The following CLVS1 variants were observed in gnomAD, a reference collection of about 807,000 sequenced individuals.
The protein encoded by CLVS1 is clavesin-1.
A neutral mutation model predicts 33.1 loss-of-function variants in CLVS1; 10 were observed. That is an observed-to-expected ratio of 0.30 (90% CI 0.19 to 0.51). CLVS1 has a LOEUF of 0.51. Ranked by LOEUF, CLVS1 falls within the 20% of genes least tolerant of loss-of-function variation. The pLI is 0.97. For synonymous variants in CLVS1, 163 were observed against 166.1 expected, an observed-to-expected ratio of 0.98 and a Z score of 0.14; for missense variants, 343 against 433.4, an observed-to-expected ratio of 0.79 and a Z score of 1.85.
rs142122532 is a variant in CLVS1, at chr8:61,137,923, C to T, written c.-152+6063C>T. ...CTTCTGGGATCTCCTCTCATGGATG[C>T]GTTCTCTCCTGCCTCCATTCATTCA... On this transcript the variant is annotated intron_variant, in intron 2 of 2. Coordinates refer to the CLVS1 transcript ENST00000522621. Among the ~76,000 whole-genome samples the T allele has an allele frequency of 4.1e-4, 63 of 152,248 alleles. No individual in the cohort carries two copies. In the East Asian group the frequency reaches 6.6e-3, roughly 16 times the overall value.
At chr8:61,074,467 T>TA (rs1563392982) in intron 1 of CLVS1, among the ~76,000 whole-genome samples, 1 of 132,516 alleles carries the variant, frequency 7.5e-6, no homozygotes, top group Non-Finnish European at 1.6e-5. Flanking sequence ...TATATATATG[T>TA]TATATATATA....
the CLVS1 span, among the ~76,000 whole-genome samples, chr8:60,982,986 A>C: frequency 1.3e-5 from 2 of 152,162 alleles, no homozygotes; most frequent in African/African-American, 4.8e-5. Context: ...TGCTCTGCCT[A>C]CCCCATCCCC....
At chr8:61,207,868 A>G (rs1241719064) in intron 2 of CLVS1, among the ~76,000 whole-genome samples, 1 of 152,190 alleles carries the variant, frequency 6.6e-6, no homozygotes, top group East Asian at 1.9e-4. Context: ...AAAATCACTC[A>G]GGCTTCTCAG....
Position 61,392,099 on chromosome 8 carries a change from G to A in CLVS1, c.630+15320G>A, listed in dbSNP as rs116516971. Among the ~76,000 whole-genome samples, 886 of 152,224 alleles carry A rather than the reference G, an allele frequency of 5.8e-3. 11 individuals are homozygous for A. Among genetic ancestry groups the A allele is most frequent in the African/African-American group, 0.02 (831 of 41,544 alleles). On this transcript the variant is annotated intron_variant, in intron 3 of 5. Coordinates refer to ENST00000325897, the MANE Select transcript of CLVS1 (RefSeq NM_173519.3). Reference sequence around the variant, plus strand: ...ATAGGGAAAATAATCAACTTTGAGCGTAAATCTAATATTCAGTATTTGAGA... The same window carrying A: ...ATAGGGAAAATAATCAACTTTGAGCATAAATCTAATATTCAGTATTTGAGA...
chr8:61,154,905 C>A (rs949092653), intron 2 of CLVS1, among the ~76,000 whole-genome samples: 4 of 152,152 alleles, frequency 2.6e-5, no homozygotes, highest in Admixed American at 2.6e-4. Context: ...ACAGAGAAAG[C>A]ATGAGCTGTC....
rs28437527 is a variant in CLVS1, at chr8:61,389,981, G to A, written c.630+13202G>A. On this transcript the variant is annotated intron_variant, in intron 3 of 5. Coordinates refer to ENST00000325897, the MANE Select transcript of CLVS1 (RefSeq NM_173519.3). ...ATGACCAAGAAAGAGCCCTTTGAAG[G>A]TTTGCCTTTTAGATTTCCCAAAATG... 8.2e-3 allele frequency among the ~76,000 whole-genome samples: 1,249 copies of A among 152,208 alleles called. 29 individuals carry two copies. The highest frequency in any genetic ancestry group is 0.028 in the African/African-American group (1,159 of 41,500).
chr8:60,987,683 G>A, the CLVS1 span, among the ~76,000 whole-genome samples: 2 of 152,140 alleles, frequency 1.3e-5, no homozygotes, highest in Non-Finnish European at 2.9e-5. Context: ...CTGATATCAG[G>A]CACTGAGCAC....
intron 3 of CLVS1, among the ~76,000 whole-genome samples, chr8:61,412,044 T>G (rs1176225229): frequency 6.6e-6 from 1 of 151,862 alleles, no homozygotes; most frequent in African/African-American, 2.4e-5. Context: ...GGCTGGCCAG[T>G]GGATGGAGGC....
intron 3 of CLVS1, among the ~76,000 whole-genome samples, chr8:61,442,980 A>G (rs1816621219): frequency 6.6e-6 from 1 of 152,158 alleles, no homozygotes; most frequent in Non-Finnish European, 1.5e-5. Context: ...CCTTTCACTA[A>G]TGGTTAATGA....
intron 2 of CLVS1, among the ~76,000 whole-genome samples, chr8:61,226,980 GTT>G (rs55718731): frequency 0.19 from 25,629 of 132,284 alleles, 1,663 homozygotes; most frequent in Admixed American, 0.25. Flanking sequence ...ACGAAAACAT[GTT>G]TTTTTTTTTT....
intron 3 of CLVS1, among the ~76,000 whole-genome samples, chr8:61,453,582 AGTT>A (rs1459290129): frequency 6.6e-6 from 1 of 152,130 alleles, no homozygotes; most frequent in Non-Finnish European, 1.5e-5. Context: ...TGTGTGAAAA[AGTT>A]GTTATAACCT....
chr8:61,379,732 G>A (rs1311189096), intron 3 of CLVS1, among the ~76,000 whole-genome samples: 2 of 152,180 alleles, frequency 1.3e-5, no homozygotes, highest in Non-Finnish European at 2.9e-5. Context: ...GTCCACACCT[G>A]TTGGGGAAGC....
chr8:61,211,463 T>C (rs1206303338), intron 2 of CLVS1, among the ~76,000 whole-genome samples: 1 of 151,498 alleles, frequency 6.6e-6, no homozygotes, highest in Non-Finnish European at 1.5e-5. Flanking sequence ...CCTCTCCTTT[T>C]CCTCTGCCTC....
intron 5 of CLVS1, among the ~76,000 whole-genome samples, chr8:61,471,856 G>A (rs973468632): frequency 2.0e-5 from 3 of 152,172 alleles, no homozygotes; most frequent in African/African-American, 7.2e-5. Context: ...GTGGTCTTGA[G>A]TGTAATTTTT....
At chr8:61,475,425 C>G (rs915679201) in intron 5 of CLVS1, among the ~76,000 whole-genome samples, 24 of 152,258 alleles carry the variant, frequency 1.6e-4, no homozygotes, top group Admixed American at 1.1e-3. Context: ...GTGTAAAAGT[C>G]TTCCTATTTC....
chr8:61,103,332 A>G (rs2129286845), intron 1 of CLVS1, among the ~76,000 whole-genome samples: 1 of 152,338 alleles, frequency 6.6e-6, no homozygotes, highest in South Asian at 2.1e-4. Context: ...GCCAAGGACC[A>G]AAAGTAGGCA....
chr8:61,193,287 A>G (rs1445798858), intron 2 of CLVS1, among the ~76,000 whole-genome samples: 8 of 152,068 alleles, frequency 5.3e-5, no homozygotes, highest in Non-Finnish European at 1.5e-5. Flanking sequence ...TCCAAACACC[A>G]CATGTTCTCA....
At chr8:61,136,587 A>T (rs1806194071) in intron 2 of CLVS1, among the ~76,000 whole-genome samples, 2 of 152,226 alleles carry the variant, frequency 1.3e-5, no homozygotes, top group African/African-American at 4.8e-5. Flanking sequence ...GCAGGAACAG[A>T]AAACAAAATA....
At chr8:61,093,162 G>C (rs1805281928) in intron 1 of CLVS1, among the ~76,000 whole-genome samples, 1 of 152,136 alleles carries the variant, frequency 6.6e-6, no homozygotes, top group Admixed American at 6.5e-5. Context: ...CTGTGTATAT[G>C]ACAGCTATAT....
Sources: gnomAD v4.1 joint callset for allele counts (sites outside exome capture counted in the v4.1 genomes callset) on GRCh38, gnomAD v4.1.1 for gene constraint, MANE v1.5 for transcripts, NCBI Gene and HGNC (gene_info 2026-07-23, HGNC 2026-07-21) for gene names.